Variants in RIC3 observed in about 807,000 individuals in gnomAD.
RIC3 encodes the protein protein RIC-3.
A neutral mutation model predicts 27.3 loss-of-function variants in RIC3; 28 were observed. The observed-to-expected ratio is 1.02, with a 90% CI of 0.76 to 1.41. The LOEUF (loss-of-function observed/expected upper bound fraction) is 1.41, where lower values mean the gene tolerates loss of function less well. RIC3 is among the 40% of genes most tolerant of loss of function. The pLI, the probability that RIC3 is intolerant of heterozygous loss-of-function variation, is 0.00. For missense variants in RIC3, 501 were observed against 444.7 expected (o/e 1.13, Z -1.14); for synonymous variants, 184 against 160.4 (o/e 1.15, Z -1.11).
chr11:8,141,835 C>A (rs977391090), intron 1 of RIC3, among the ~76,000 whole-genome samples: 64 of 152,234 alleles, frequency 4.2e-4, no homozygotes, highest in Middle Eastern at 3.4e-3. Flanking sequence ...TCTCTCAGAC[C>A]ACAGTGCAAT....
intron 4 of RIC3, chr11:8,128,153 C>G (rs2133661591): frequency 6.6e-6 from 3 of 456,758 alleles, no homozygotes; most frequent in Middle Eastern, 6.5e-4. Context: ...CCACATAACC[C>G]CTATTTCTTA....
At chr11:8,136,056 G>C (rs1280421863) in intron 4 of RIC3, among the ~76,000 whole-genome samples, 2 of 152,154 alleles carry the variant, frequency 1.3e-5, no homozygotes, top group African/African-American at 4.8e-5. Context: ...ATTCCAGATA[G>C]TAACTCTGCT....
chr11:8,097,477 C>T, the RIC3 span: 5 of 1,608,266 alleles, frequency 3.1e-6, no homozygotes, highest in Non-Finnish European at 4.3e-6. Flanking sequence ...CCTTTGAAAT[C>T]CTAGGGGCTG....
chr11:8,111,355 T>C (rs578169141), intron 5 of RIC3, among the ~76,000 whole-genome samples: 259 of 152,308 alleles, frequency 1.7e-3, no homozygotes, highest in Non-Finnish European at 3.2e-3. Context: ...CTAATTCAGA[T>C]GAAAATCCCT....
At chr11:8,114,578 C>G (rs1338012327) in intron 5 of RIC3, among the ~76,000 whole-genome samples, 1 of 148,508 alleles carries the variant, frequency 6.7e-6, no homozygotes, top group Non-Finnish European at 1.5e-5. Context: ...TGCACTCCAG[C>G]CTGGGCAACA....
Position 8,163,861 on chromosome 11 carries a change from A to G in RIC3, c.124+5005T>C, listed in dbSNP as rs184979841. Among the ~76,000 whole-genome samples the G allele has an allele frequency of 1.5e-3, 230 of 148,640 alleles. 1 individual carries two copies. Among genetic ancestry groups the G allele is most frequent in the African/African-American group, 5.5e-3 (220 of 40,302 alleles). ...ACCAAAGTGATGATCCAAAATTCCT[A>G]TGGAAATGCTAGGTCACAGGACCCA... On this transcript the variant is annotated intron_variant, in intron 1 of 5. Transcript: ENST00000309737.
At chr11:8,100,437 C>A in the RIC3 span, 6 of 1,247,882 alleles carry the variant, frequency 4.8e-6, no homozygotes, top group South Asian at 5.0e-5. Flanking sequence ...TTATTCCCGT[C>A]CCCCCCACCT....
At chr11:8,115,432 T>C (rs1945736153) in intron 5 of RIC3, among the ~76,000 whole-genome samples, 2 of 152,088 alleles carry the variant, frequency 1.3e-5, no homozygotes, top group African/African-American at 4.8e-5. Flanking sequence ...ACAAGATCTA[T>C]CTTATAAAAA....
chr11:8,124,823 G>A (rs915234319), intron 5 of RIC3, among the ~76,000 whole-genome samples: 3 of 152,128 alleles, frequency 2.0e-5, no homozygotes, highest in Non-Finnish European at 2.9e-5. Flanking sequence ...ATAAACCTCA[G>A]TCCTGACACC....
chr11:8,099,867 T>C, the RIC3 span, among the ~76,000 whole-genome samples: 3 of 152,112 alleles, frequency 2.0e-5, no homozygotes, highest in African/African-American at 7.2e-5. Flanking sequence ...ATGCCTGGCA[T>C]GAAGAAGGAA....
At chr11:8,140,566 G>C (rs1043911886) in intron 1 of RIC3, among the ~76,000 whole-genome samples, 2 of 152,160 alleles carry the variant, frequency 1.3e-5, no homozygotes, top group African/African-American at 4.8e-5. Flanking sequence ...CTTTTCTGCA[G>C]CATGGATGCT....
At chr11:8,096,847 C>G in the RIC3 span, 1 of 1,607,852 alleles carries the variant, frequency 6.2e-7, no homozygotes, top group Non-Finnish European at 8.5e-7. Flanking sequence ...TTTTGGAGGA[C>G]TGCTCATCCG....
Position 8,165,779 on chromosome 11 carries a change from T to G in RIC3, c.124+3087A>C, listed in dbSNP as rs1358023496. Among the ~76,000 whole-genome samples, 9 of 110,840 alleles carry G rather than the reference T, an allele frequency of 8.1e-5. No homozygotes were observed. In the East Asian group the frequency reaches 1.1e-3, roughly 13 times the overall value. 72.7% of individuals were successfully genotyped at this position (110,840 alleles called of 152,430 possible). On this transcript the variant is annotated intron_variant, in intron 1 of 5. Coordinates refer to ENST00000309737, the MANE Select transcript of RIC3 (RefSeq NM_001206671.4). ...CTGTTTTTTGGGGTTTTTTTTTTGTTTTGTTTTGTTTTTTTTTTTGGCAGA... is the reference window on the plus strand; with the variant it reads ...CTGTTTTTTGGGGTTTTTTTTTTGTGTTGTTTTGTTTTTTTTTTTGGCAGA...
At chr11:8,101,835 GATGAGAATAA>G, downstream of RIC3, 6 of 696,546 alleles carry the variant, frequency 8.6e-6, no homozygotes, top group South Asian at 6.2e-5. Flanking sequence ...GGTGTGAAGG[GATGAGAATAA>G]TTCTTTCCAT....
chr11:8,123,365 G>A (rs535277134), intron 5 of RIC3, among the ~76,000 whole-genome samples: 32 of 151,788 alleles, frequency 2.1e-4, no homozygotes, highest in Non-Finnish European at 4.0e-4. Flanking sequence ...ACTAGAGAAA[G>A]GCAAATTAAA....
chr11:8,110,660 T>C lies in RIC3; in HGVS notation c.*38A>G. ...GAAATCTGAGGAGAGAGAGGTCACC[T>C]TGGGACTTGAGTAATGGATACTTCA... On this transcript the variant is annotated 3_prime_UTR_variant, in exon 6 of 6. Transcript: ENST00000309737. 1 of 1,583,332 alleles carries C rather than the reference T, an allele frequency of 6.3e-7. No homozygotes were observed. Among genetic ancestry groups the C allele is most frequent in the Non-Finnish European group, 8.7e-7 (1 of 1,152,646 alleles).
chr11:8,151,916 C>CA (rs541424394), intron 1 of RIC3, among the ~76,000 whole-genome samples: 1,326 of 80,952 alleles, frequency 0.016, 14 homozygotes, highest in African/African-American at 0.042. Flanking sequence ...GACTCGGTCT[C>CA]AAAAAAAAAA....
In RIC3 at chr11:8,140,262, T is replaced by C. The variant is rs61045892; in HGVS notation, c.125-69A>G. ...AGATGGCTATCATGAAAACACCAAA[T>C]CATTAAGGTATAAAAGAGGCCAACA... On this transcript the variant is annotated intron_variant, in intron 1 of 5. Coordinates refer to ENST00000309737, the MANE Select transcript of RIC3 (RefSeq NM_001206671.4). The C allele has an allele frequency of 1.3e-3, 1,756 of 1,401,688 alleles. 9 individuals are homozygous for C. The African/African-American group carries it at 0.024, about 19-fold the overall frequency. The allele number at this position is 1,401,688 out of a possible 1,614,324, so 86.8% of individuals were successfully genotyped here.
At chr11:8,158,579 T>C in intron 1 of RIC3, among the ~76,000 whole-genome samples, 1 of 151,000 alleles carries the variant, frequency 6.6e-6, no homozygotes. Flanking sequence ...GTTCCACAGG[T>C]ACACAGGGAG....
Sources: gnomAD v4.1 joint callset for allele counts (sites outside exome capture counted in the v4.1 genomes callset) on GRCh38, gnomAD v4.1.1 for gene constraint, MANE v1.5 for transcripts, NCBI Gene and HGNC (gene_info 2026-07-23, HGNC 2026-07-21) for gene names.